Variants in PRRX1 observed in about 807,000 individuals in gnomAD.
The protein encoded by PRRX1 is paired related homeobox 1.
PRRX1 carries 8 observed loss-of-function variants against 24.0 expected under a neutral mutation model. That is an observed-to-expected ratio of 0.33 (90% CI 0.20 to 0.60). The LOEUF is 0.60. Among genes scored for constraint, PRRX1 ranks in the 20% least tolerant of loss-of-function variants. The pLI, the probability that PRRX1 is intolerant of heterozygous loss-of-function variation, is 0.82. For synonymous variants in PRRX1, 160 were observed against 131.7 expected (o/e 1.22, Z -1.47); for missense variants, 281 against 322.4 (o/e 0.87, Z 0.98).
intron 2 of PRRX1, 90 bp downstream of exon 2, chr1:170,719,991 A>G: frequency 6.6e-7 from 1 of 1,506,992 alleles, no homozygotes; most frequent in Non-Finnish European, 9.1e-7. Flanking sequence ...ATTATAGCCC[A>G]GCACAGTGGC....
chr1:170,706,570 T>C (rs74123161), intron 1 of PRRX1, among the ~76,000 whole-genome samples: 2,494 of 152,296 alleles, frequency 0.016, 74 homozygotes, highest in African/African-American at 0.056. Flanking sequence ...CCGTACCCCA[T>C]TATATAAAGT....
intron 1 of PRRX1, among the ~76,000 whole-genome samples, chr1:170,696,526 A>G (rs1355414114): frequency 1.3e-5 from 2 of 152,156 alleles, no homozygotes; most frequent in African/African-American, 4.8e-5. Context: ...ATTCTTACGA[A>G]TTCAATTTTC....
At chr1:170,714,212 G>A (rs1163558380) in intron 1 of PRRX1, among the ~76,000 whole-genome samples, 1 of 152,168 alleles carries the variant, frequency 6.6e-6, no homozygotes, top group Non-Finnish European at 1.5e-5. Context: ...CATGGGCCTT[G>A]CAATAAAAGC....
chr1:170,706,982 G>T (rs1469744186), intron 1 of PRRX1, among the ~76,000 whole-genome samples: 1 of 151,998 alleles, frequency 6.6e-6, no homozygotes, highest in East Asian at 1.9e-4. Context: ...AAAGACTGCT[G>T]GGCATGGTGG....
intron 1 of PRRX1, among the ~76,000 whole-genome samples, chr1:170,713,024 T>C (rs1039002955): frequency 2.6e-5 from 4 of 152,162 alleles, no homozygotes; most frequent in Non-Finnish European, 1.5e-5. Context: ...AAAGAGAGGG[T>C]ACTCTGTTCA....
chr1:170,733,460 A>T (rs1303143160), intron 3 of PRRX1, among the ~76,000 whole-genome samples: 1 of 152,188 alleles, frequency 6.6e-6, no homozygotes, highest in Admixed American at 6.5e-5. Flanking sequence ...CCAAGTACTT[A>T]AAAGCACAAT....
intron 3 of PRRX1, among the ~76,000 whole-genome samples, chr1:170,735,502 G>C (rs1655574250): frequency 6.6e-6 from 1 of 152,182 alleles, no homozygotes; most frequent in Non-Finnish European, 1.5e-5. Flanking sequence ...AAGAATGGCA[G>C]AGAACATATG....
At chr1:170,722,414 A>G (rs1655119561) in intron 2 of PRRX1, among the ~76,000 whole-genome samples, 1 of 151,692 alleles carries the variant, frequency 6.6e-6, no homozygotes, top group Non-Finnish European at 1.5e-5. Context: ...CACATATTAT[A>G]CTCTTGAACC....
intron 1 of PRRX1, among the ~76,000 whole-genome samples, chr1:170,702,571 T>A (rs1319865869): frequency 6.6e-6 from 1 of 152,232 alleles, no homozygotes; most frequent in Admixed American, 6.5e-5. Context: ...AGAGAACTAT[T>A]CAACTTAATT....
intron 1 of PRRX1, among the ~76,000 whole-genome samples, chr1:170,678,183 C>T (rs1334007431): frequency 2.6e-5 from 4 of 152,318 alleles, no homozygotes; most frequent in Admixed American, 6.5e-5. Context: ...CACATTCTGT[C>T]CTCCATTTGA....
At chr1:170,689,671 C>G (rs1015303532) in intron 1 of PRRX1, among the ~76,000 whole-genome samples, 25 of 151,910 alleles carry the variant, frequency 1.6e-4, no homozygotes, top group African/African-American at 5.8e-4. Context: ...TTAAAAAAAT[C>G]GTTTTCATTT....
chr1:170,677,032 C>T (rs374133575), intron 1 of PRRX1, among the ~76,000 whole-genome samples: 25 of 152,110 alleles, frequency 1.6e-4, no homozygotes, highest in Middle Eastern at 3.4e-3. Context: ...GAGTGAATGG[C>T]GAATTTTCTA....
At chr1:170,717,874 T>A (rs1654957396) in intron 1 of PRRX1, among the ~76,000 whole-genome samples, 1 of 152,212 alleles carries the variant, frequency 6.6e-6, no homozygotes, top group Non-Finnish European at 1.5e-5. Flanking sequence ...AGTGGTATAA[T>A]CAGTGATGTT....
At chr1:170,725,749 T>G (rs1346672370) in intron 2 of PRRX1, among the ~76,000 whole-genome samples, 1 of 152,234 alleles carries the variant, frequency 6.6e-6, no homozygotes, top group African/African-American at 2.4e-5. Context: ...AAATCTTTGT[T>G]GGAACATCTA....
intron 1 of PRRX1, among the ~76,000 whole-genome samples, chr1:170,673,878 C>G (rs1416821984): frequency 1.3e-5 from 2 of 152,216 alleles, no homozygotes; most frequent in Admixed American, 6.5e-5. Flanking sequence ...AAGTCTCTAT[C>G]CTGGCTCACC....
intron 1 of PRRX1, among the ~76,000 whole-genome samples, chr1:170,672,601 G>C (rs1653178583): frequency 6.6e-6 from 1 of 152,106 alleles, no homozygotes; most frequent in Non-Finnish European, 1.5e-5. Context: ...AAATATAATC[G>C]GGGATGCCAA....
At chr1:170,691,559 T>A (rs1353374964) in intron 1 of PRRX1, among the ~76,000 whole-genome samples, 2 of 142,202 alleles carry the variant, frequency 1.4e-5, no homozygotes, top group African/African-American at 2.6e-5. Flanking sequence ...CCCTCCCTCC[T>A]TGCCTGCCTC....
intron 1 of PRRX1, among the ~76,000 whole-genome samples, chr1:170,708,905 T>C (rs1397041743): frequency 6.6e-6 from 1 of 152,168 alleles, no homozygotes; most frequent in Admixed American, 6.5e-5. Flanking sequence ...CAGAAACTGA[T>C]CCCTGAAAGA....
chr1:170,710,885 ATT>A (rs1381235660), intron 1 of PRRX1, among the ~76,000 whole-genome samples: 3 of 152,136 alleles, frequency 2.0e-5, no homozygotes, highest in African/African-American at 7.2e-5. Context: ...TCTGAAACAT[ATT>A]TCTGTTGTCT....
Sources: gnomAD v4.1 joint callset for allele counts (sites outside exome capture counted in the v4.1 genomes callset) on GRCh38, gnomAD v4.1.1 for gene constraint, MANE v1.5 for transcripts, NCBI Gene and HGNC (gene_info 2026-07-23, HGNC 2026-07-21) for gene names.